PTPRG: variants seen among roughly 807,000 people sequenced by gnomAD.
PTPRG encodes the protein receptor-type tyrosine-protein phosphatase gamma.
PTPRG carries 102 observed loss-of-function variants against 165.3 expected under a neutral mutation model. That is an observed-to-expected ratio of 0.62 (90% confidence interval 0.53 to 0.73). The LOEUF is 0.73. Ranked by LOEUF, PTPRG falls within the 30% of genes least tolerant of loss-of-function variation. The probability of loss-of-function intolerance (pLI) is 0.00; values close to 1 mark genes in which losing one functional copy is unlikely to be tolerated. For missense variants in PTPRG, 1,866 were observed against 1,861.4 expected (o/e 1.00, Z -0.05); for synonymous variants, 675 against 669.5 (o/e 1.01, Z -0.13).
rs145628935 is a variant in PTPRG, at chr3:61,681,947, C to T, written c.86-66931C>T. ...GGTGGATCACTTAAGGTCAAGAGATCGAGACCAGCCTGGCCAACATAGTGA... is the reference window on the plus strand; with the variant it reads ...GGTGGATCACTTAAGGTCAAGAGATTGAGACCAGCCTGGCCAACATAGTGA... On this transcript the variant is annotated intron_variant, in intron 1 of 29. Coordinates refer to ENST00000474889, the MANE Select transcript of PTPRG (RefSeq NM_002841.4). 5.7e-3 allele frequency among the ~76,000 whole-genome samples: 867 copies of T among 152,064 alleles called. 11 individuals carry two copies. Among genetic ancestry groups the T allele is most frequent in the African/African-American group, 0.019 (804 of 41,486 alleles).
At chr3:61,844,714 G>T (rs1311549852) in intron 2 of PTPRG, among the ~76,000 whole-genome samples, 1 of 151,652 alleles carries the variant, frequency 6.6e-6, no homozygotes, top group African/African-American at 2.4e-5. Flanking sequence ...TATTGAACAG[G>T]GTGGTCTCGA....
At chr3:61,581,457 AT>A (rs1700291892) in intron 1 of PTPRG, among the ~76,000 whole-genome samples, 1 of 151,964 alleles carries the variant, frequency 6.6e-6, no homozygotes. Context: ...CATTTGATTC[AT>A]TTCTGAGTGC....
chr3:62,278,806 G>C (rs1431952276), intron 26 of PTPRG, among the ~76,000 whole-genome samples: 1 of 151,938 alleles, frequency 6.6e-6, no homozygotes, highest in Non-Finnish European at 1.5e-5. Context: ...CTGGCAATAG[G>C]GTCTATTCTG....
chr3:61,589,265 TA>T (rs1272112051), intron 1 of PTPRG, among the ~76,000 whole-genome samples: 2 of 152,216 alleles, frequency 1.3e-5, no homozygotes, highest in African/African-American at 4.8e-5. Context: ...CCTGCATGCC[TA>T]AAATATTTAT....
intron 6 of PTPRG, among the ~76,000 whole-genome samples, chr3:62,153,686 G>C (rs889990940): frequency 2.0e-5 from 3 of 152,336 alleles, no homozygotes; most frequent in Admixed American, 6.5e-5. Flanking sequence ...CGTATGAGAT[G>C]TTTACTGTGT....
At chr3:62,053,131 ACT>A (rs1700516888) in intron 4 of PTPRG, among the ~76,000 whole-genome samples, 1 of 151,970 alleles carries the variant, frequency 6.6e-6, no homozygotes, top group African/African-American at 2.4e-5. Context: ...GATACATCAA[ACT>A]CTTGACAGAT....
intron 4 of PTPRG, among the ~76,000 whole-genome samples, chr3:62,047,662 T>C (rs1700340048): frequency 6.6e-6 from 1 of 152,224 alleles, no homozygotes; most frequent in African/African-American, 2.4e-5. Context: ...CCCATTCAGC[T>C]GTCACCTTAT....
At chr3:61,935,032 C>G (rs897932980) in intron 2 of PTPRG, among the ~76,000 whole-genome samples, 12 of 152,128 alleles carry the variant, frequency 7.9e-5, no homozygotes, top group Non-Finnish European at 1.5e-5. Context: ...GCTCTTCTTT[C>G]CATTCCAGGG....
chr3:62,133,445 A>G (rs1463546232), intron 6 of PTPRG, among the ~76,000 whole-genome samples: 4 of 152,230 alleles, frequency 2.6e-5, no homozygotes, highest in Non-Finnish European at 4.4e-5. Context: ...GTGATAAAAC[A>G]TCTTCACACC....
intron 5 of PTPRG, among the ~76,000 whole-genome samples, chr3:62,098,125 G>A (rs938385359): frequency 6.6e-6 from 1 of 151,724 alleles, no homozygotes; most frequent in Non-Finnish European, 1.5e-5. Flanking sequence ...TCTTCTATAG[G>A]GCTTGACAAT....
chr3:62,155,981 G>C (rs1049695864), intron 6 of PTPRG, among the ~76,000 whole-genome samples: 2 of 152,158 alleles, frequency 1.3e-5, no homozygotes, highest in African/African-American at 4.8e-5. Context: ...GAAGGGGAGA[G>C]AATCCCAGAT....
chr3:61,669,449 A>C (rs929864614), intron 1 of PTPRG, among the ~76,000 whole-genome samples: 3 of 152,166 alleles, frequency 2.0e-5, no homozygotes, highest in Non-Finnish European at 4.4e-5. Context: ...TCTGTGGCTT[A>C]ACAGTGTCTG....
chr3:61,828,906 G>T (rs1345399699), intron 2 of PTPRG, among the ~76,000 whole-genome samples: 1 of 152,162 alleles, frequency 6.6e-6, no homozygotes, highest in African/African-American at 2.4e-5. Context: ...ATGGGTGGAA[G>T]ATATTTACCT....
chr3:62,164,301 CAGTAGATTTCGT>C, intron 7 of PTPRG, among the ~76,000 whole-genome samples: 1 of 152,132 alleles, frequency 6.6e-6, no homozygotes, highest in African/African-American at 2.4e-5. Context: ...AATGATGTAT[CAGTAGATTTCGT>C]CACTGCCCAC....
At chr3:61,600,172 AAATATAT>A (rs1402738950) in intron 1 of PTPRG, among the ~76,000 whole-genome samples, 1 of 114,172 alleles carries the variant, frequency 8.8e-6, no homozygotes, top group South Asian at 2.8e-4. Context: ...AAAAAAAAAA[AAATATAT>A]ATATATATAT....
intron 4 of PTPRG, among the ~76,000 whole-genome samples, chr3:62,040,507 G>A (rs1419642430): frequency 6.6e-6 from 1 of 152,214 alleles, no homozygotes; most frequent in Non-Finnish European, 1.5e-5. Context: ...AGACTGGAGT[G>A]CAGTGGTGCA....
rs1701453306 is a variant in PTPRG at position 62,078,169 on chromosome 3, A to C, written c.526A>C (p.Ile176Leu). Residue 176 changes from isoleucine to leucine, a missense_variant, in exon 5 of 30, where the codon ATT (isoleucine) becomes CTT (leucine). This residue lies in a region of PTPRG where 408 missense variants were observed against 376.2 expected (regional missense o/e 1.08). Coordinates refer to ENST00000474889, the MANE Select transcript of PTPRG (RefSeq NM_002841.4). The part of the protein sequence containing the change: ...NGRRFPVEMQ[I>L]FFYNPDDFDS... ...TTTTTAATTGTTCTTACAGATGCAG[A>C]TTTTCTTTTACAATCCAGATGACTT... 1 of 1,593,124 alleles carries C rather than the reference A, an allele frequency of 6.3e-7. No homozygotes were observed. Among genetic ancestry groups the C allele is most frequent in the Middle Eastern group, 1.7e-4 (1 of 6,026 alleles).
At position 61,862,792 on chromosome 3, in the gene PTPRG, GTTCTCTCTTGTTTTCT is replaced by G. The variant is rs528581880; in HGVS notation, c.190+113812_190+113827del. 9.8e-4 allele frequency among the ~76,000 whole-genome samples: 149 copies of G among 152,238 alleles called. 3 individuals are homozygous for G. In the South Asian group the frequency reaches 0.03, roughly 31 times the overall value. ...TGCTTGTAAAAATCTATTTCAGGGA[GTTCTCTCTTGTTTTCT>G]TAGTGTCTGTCTGATGTCAGCCTAC... On this transcript the variant is annotated intron_variant, in intron 2 of 29. Coordinates refer to ENST00000474889, the MANE Select transcript of PTPRG (RefSeq NM_002841.4).
intron 19 of PTPRG, 36 bp downstream of exon 19, chr3:62,267,855 C>A: frequency 2.5e-6 from 4 of 1,599,410 alleles, no homozygotes; most frequent in Non-Finnish European, 3.4e-6. Flanking sequence ...TAATAATGCA[C>A]CTTCATTCAA....
Sources: allele counts gnomAD v4.1 joint callset (sites outside exome capture counted in the v4.1 genomes callset), GRCh38; gene constraint gnomAD v4.1.1; regional missense constraint gnomAD v4.1.1; transcripts MANE v1.5; gene names NCBI Gene and HGNC (gene_info 2026-07-23, HGNC 2026-07-21).